SEMA6D: variants seen among roughly 807,000 people sequenced by gnomAD.
SEMA6D encodes the protein semaphorin 6D, also known as semaphorin-6D.
A neutral mutation model predicts 106.6 loss-of-function variants in SEMA6D; 35 were observed. The observed-to-expected ratio is 0.33, with a 90% CI of 0.25 to 0.44. The LOEUF (loss-of-function observed/expected upper bound fraction) is 0.44, where lower values mean the gene tolerates loss of function less well. Among genes scored for constraint, SEMA6D ranks in the 20% least tolerant of loss-of-function variants. SEMA6D has a pLI of 1.00. For missense variants in SEMA6D, 1,185 were observed against 1,345.9 expected (o/e 0.88, Z 1.87); for synonymous variants, 499 against 487.7 (o/e 1.02, Z -0.31).
At chr15:47,332,453 G>A (rs1045713554) in intron 1 of SEMA6D, among the ~76,000 whole-genome samples, 5 of 152,162 alleles carry the variant, frequency 3.3e-5, no homozygotes, top group East Asian at 1.9e-4. Flanking sequence ...CTAATTGTCT[G>A]TTGGTGTTGT....
intron 1 of SEMA6D, among the ~76,000 whole-genome samples, chr15:47,721,143 T>C (rs558703135): frequency 6.6e-6 from 1 of 152,338 alleles, no homozygotes; most frequent in Non-Finnish European, 1.5e-5. Flanking sequence ...GTATTTTCAA[T>C]AGAGCAAAAA....
At chr15:47,471,929 T>TCA (rs1451428855) in intron 3 of SEMA6D, among the ~76,000 whole-genome samples, 289 of 106,028 alleles carry the variant, frequency 2.7e-3, no homozygotes, top group Admixed American at 5.9e-3. Context: ...TCTCTCTCTC[T>TCA]CTCACACACA....
At chr15:47,646,343 G>A (rs1169209914) in intron 4 of SEMA6D, among the ~76,000 whole-genome samples, 2 of 152,174 alleles carry the variant, frequency 1.3e-5, no homozygotes, top group African/African-American at 4.8e-5. Flanking sequence ...TATCACAAGT[G>A]TGTGCCAGGC....
intron 3 of SEMA6D, among the ~76,000 whole-genome samples, chr15:47,559,514 G>C (rs1224023779): frequency 6.6e-6 from 1 of 152,112 alleles, no homozygotes; most frequent in Non-Finnish European, 1.5e-5. Flanking sequence ...ACATATTGGA[G>C]CATTGACAGT....
intron 1 of SEMA6D, among the ~76,000 whole-genome samples, chr15:47,202,326 G>C (rs1030371448): frequency 1.8e-4 from 27 of 152,054 alleles, no homozygotes; most frequent in Non-Finnish European, 4.0e-4. Context: ...ACAGCTTCCT[G>C]ATAAGATCTC....
At chr15:47,597,909 G>T (rs1425017317) in intron 3 of SEMA6D, among the ~76,000 whole-genome samples, 14 of 149,902 alleles carry the variant, frequency 9.3e-5, no homozygotes. Context: ...CCCCATAATT[G>T]TATGTAATTA....
chr15:47,339,114 C>T (rs1483119198), intron 1 of SEMA6D: 1 of 152,248 alleles, frequency 6.6e-6, no homozygotes, highest in Non-Finnish European at 1.5e-5. Flanking sequence ...GTGGAGGTTC[C>T]TGGAAGGCGG....
rs36102863 is a variant in SEMA6D at position 47,406,778 on chromosome 15, C to CAA, written c.-238-5599_-238-5598dup. Reference sequence around the variant, plus strand: ...AGTAGATCTCAAGTGTTCTCACCACCAAAAAAAAAAAAAAAAATGAAGTGA... The same window carrying CAA: ...AGTAGATCTCAAGTGTTCTCACCACCAAAAAAAAAAAAAAAAAAATGAAGTGA... On this transcript the variant is annotated intron_variant, in intron 1 of 19. Transcript: ENST00000558014. Among the ~76,000 whole-genome samples, 184 of 111,754 alleles carry CAA rather than the reference C, an allele frequency of 1.6e-3. 1 individual carries two copies. The highest frequency in any genetic ancestry group is 3.8e-3 in the South Asian group (13 of 3,452). 73.3% of individuals were successfully genotyped at this position (111,754 alleles called of 152,430 possible).
At chr15:47,741,345 G>T (rs1280907536) in intron 1 of SEMA6D, among the ~76,000 whole-genome samples, 2 of 152,188 alleles carry the variant, frequency 1.3e-5, no homozygotes, top group Non-Finnish European at 2.9e-5. Flanking sequence ...ATGCAACCCT[G>T]GCTTGTTATA....
chr15:47,591,914 C>G (rs1025601642), intron 3 of SEMA6D, among the ~76,000 whole-genome samples: 1 of 151,988 alleles, frequency 6.6e-6, no homozygotes, highest in Non-Finnish European at 1.5e-5. Context: ...TTGGAAAGAG[C>G]CACAGTGAAG....
chr15:47,504,479 T>C (rs1596177319), intron 3 of SEMA6D, among the ~76,000 whole-genome samples: 1 of 149,660 alleles, frequency 6.7e-6, no homozygotes, highest in Non-Finnish European at 1.5e-5. Flanking sequence ...TGCTCTATTA[T>C]GGTTGATGCT....
chr15:47,479,765 C>G (rs368437235), intron 3 of SEMA6D, among the ~76,000 whole-genome samples: 12 of 152,188 alleles, frequency 7.9e-5, no homozygotes, highest in African/African-American at 2.9e-4. Context: ...CCTAACCTCT[C>G]CCCAAATGAA....
chr15:47,458,355 C>G (rs1325375078), intron 2 of SEMA6D, among the ~76,000 whole-genome samples: 1 of 151,802 alleles, frequency 6.6e-6, no homozygotes, highest in Non-Finnish European at 1.5e-5. Flanking sequence ...ATGTTATCAA[C>G]TAATTTAACC....
intron 4 of SEMA6D, among the ~76,000 whole-genome samples, chr15:47,631,815 AT>A (rs2077298325): frequency 6.6e-6 from 1 of 151,938 alleles, no homozygotes; most frequent in Non-Finnish European, 1.5e-5. Context: ...GTTTGTGGTA[AT>A]TTTTTACAGC....
At chr15:47,611,549 G>A (rs778419878) in intron 4 of SEMA6D, among the ~76,000 whole-genome samples, 2 of 152,100 alleles carry the variant, frequency 1.3e-5, no homozygotes, top group African/African-American at 2.4e-5. Flanking sequence ...TTAGGCTGAC[G>A]TAATTACAGG....
chr15:47,215,559 G>T lies in SEMA6D; in HGVS notation c.-239+31141G>T, dbSNP rs191029769. 6.5e-3 allele frequency among the ~76,000 whole-genome samples: 983 copies of T among 152,060 alleles called. 7 individuals carry two copies. Among genetic ancestry groups the T allele is most frequent in the Non-Finnish European group, 0.012 (803 of 67,982 alleles). On this transcript the variant is annotated intron_variant, in intron 1 of 19. Transcript: ENST00000558014. ...TTAAATTCATAGATGTATTAATTCT[G>T]TTAATACAGGAATTCATTCATAGCT... is the stretch of plus-strand genomic sequence containing the variant.
At chr15:47,315,822 C>G (rs951997666) in intron 1 of SEMA6D, among the ~76,000 whole-genome samples, 1 of 151,752 alleles carries the variant, frequency 6.6e-6, no homozygotes, top group African/African-American at 2.4e-5. Flanking sequence ...TAGATTTTTA[C>G]CTAGGTATTT....
chr15:47,671,130 G>A (rs2078128342), intron 4 of SEMA6D, among the ~76,000 whole-genome samples: 2 of 152,176 alleles, frequency 1.3e-5, no homozygotes, highest in South Asian at 4.1e-4. Flanking sequence ...TAGCACATAA[G>A]AACCAGAAAA....
At chr15:47,646,763 A>T (rs1358830336) in intron 4 of SEMA6D, among the ~76,000 whole-genome samples, 2 of 152,320 alleles carry the variant, frequency 1.3e-5, no homozygotes, top group Non-Finnish European at 2.9e-5. Context: ...GACTGGATTT[A>T]TGTATTCACT....
Sources: allele counts gnomAD v4.1 joint callset (sites outside exome capture counted in the v4.1 genomes callset), GRCh38; gene constraint gnomAD v4.1.1; transcripts MANE v1.5; gene names NCBI Gene and HGNC (gene_info 2026-07-23, HGNC 2026-07-21).